Variants in UBTD2 observed in about 807,000 individuals in gnomAD.
UBTD2 encodes the protein ubiquitin domain-containing protein 2.
Under a neutral mutation model 19.8 loss-of-function variants are expected in UBTD2, and 9 were observed. The ratio of observed to expected loss-of-function variants is 0.46; its 90% CI spans 0.27 to 0.79. The LOEUF is 0.79. Ranked by LOEUF, UBTD2 falls within the 30% of genes least tolerant of loss-of-function variation. UBTD2 has a pLI of 0.14. For missense variants in UBTD2, 250 were observed against 300.4 expected, an observed-to-expected ratio of 0.83 and a Z score of 1.24; for synonymous variants, 98 against 103.9, an observed-to-expected ratio of 0.94 and a Z score of 0.35.
At chr5:172,251,123 G>A (rs1036307402) in intron 1 of UBTD2, among the ~76,000 whole-genome samples, 1 of 151,040 alleles carries the variant, frequency 6.6e-6, no homozygotes, top group African/African-American at 2.4e-5. Flanking sequence ...GCTCATCCTG[G>A]CTAACACGGT....
At chr5:172,228,087 C>G (rs1771807355) in intron 2 of UBTD2, among the ~76,000 whole-genome samples, 1 of 152,184 alleles carries the variant, frequency 6.6e-6, no homozygotes, top group Non-Finnish European at 1.5e-5. Flanking sequence ...TACACACATG[C>G]ATTTCCTGTC....
intron 2 of UBTD2, 25 bp downstream of exon 2, chr5:172,234,097 T>C: frequency 1.2e-6 from 2 of 1,605,088 alleles, no homozygotes; most frequent in Non-Finnish European, 1.7e-6. Context: ...ATGTTTCCTC[T>C]GTCCTTGAGG....
At chr5:172,256,580 C>T (rs1206971993) in intron 1 of UBTD2, among the ~76,000 whole-genome samples, 3 of 148,336 alleles carry the variant, frequency 2.0e-5, no homozygotes, top group Non-Finnish European at 4.5e-5. Context: ...GTTGTCCAGG[C>T]TGGTAAATAC....
At chr5:172,264,846 A>G (rs1480245752) in intron 1 of UBTD2, among the ~76,000 whole-genome samples, 1 of 152,216 alleles carries the variant, frequency 6.6e-6, no homozygotes. Flanking sequence ...ACTGCACTCC[A>G]GCCTGGGAGA....
chr5:172,220,048 AG>A lies in UBTD2; in HGVS notation c.308-7822del, dbSNP rs559238091. Among the ~76,000 whole-genome samples the A allele has an allele frequency of 3.1e-3, 469 of 152,342 alleles. 1 individual carries two copies. The highest frequency in any genetic ancestry group is 0.011 in the African/African-American group (449 of 41,568). ...AAACATTACAAGCAAACTACAGACCAGTATCTCTCATGAACATAGACTGAAA... is the reference window on the plus strand; with the variant it reads ...AAACATTACAAGCAAACTACAGACCATATCTCTCATGAACATAGACTGAAA... On this transcript the variant is annotated intron_variant, in intron 2 of 2. Coordinates refer to ENST00000393792, the MANE Select transcript of UBTD2 (RefSeq NM_152277.3).
rs1467320842 is a variant in UBTD2, at chr5:172,223,005, T to C, written c.308-10778A>G. 2.6e-5 allele frequency among the ~76,000 whole-genome samples: 4 copies of C among 152,166 alleles called. 1 individual carries two copies. Among genetic ancestry groups the C allele is most frequent in the Non-Finnish European group, 5.9e-5 (4 of 68,030 alleles). On this transcript the variant is annotated intron_variant, in intron 2 of 2. Transcript: ENST00000393792. ...AAGAAAGAAAGATTGATTGGAATCA[T>C]GACTGCCTGACTACAGAAATGGAAA...
chr5:172,244,366 G>A (rs1275619121), intron 1 of UBTD2, among the ~76,000 whole-genome samples: 2 of 136,560 alleles, frequency 1.5e-5, no homozygotes, highest in East Asian at 2.2e-4. Context: ...GCACAATCTC[G>A]TCTCACTACA....
At chr5:172,278,534 A>G (rs1755651731) in intron 1 of UBTD2, among the ~76,000 whole-genome samples, 1 of 148,750 alleles carries the variant, frequency 6.7e-6, no homozygotes, top group South Asian at 2.2e-4. Context: ...AAAAAAAAAA[A>G]GCGGTATATA....
intron 1 of UBTD2, chr5:172,252,553 C>T (rs1342858140): frequency 6.6e-6 from 1 of 152,164 alleles, no homozygotes; most frequent in Admixed American, 6.5e-5. Flanking sequence ...CATATTGCTG[C>T]CTGTCCTGAG....
chr5:172,240,571 T>A lies in UBTD2; in HGVS notation c.71-6213A>T, dbSNP rs116169741. On this transcript the variant is annotated intron_variant, in intron 1 of 2. Coordinates refer to ENST00000393792, the MANE Select transcript of UBTD2 (RefSeq NM_152277.3). ...AGTCCCCTTACCAATGATCTGAGCA[T>A]ACAAACAGGCAACATTTTGTAACAC... Among the ~76,000 whole-genome samples the A allele has an allele frequency of 7.5e-3, 1,136 of 152,268 alleles. 11 individuals carry two copies. The highest frequency in any genetic ancestry group is 0.044 in the Middle Eastern group (13 of 294).
At chr5:172,264,662 C>G (rs1160498103) in intron 1 of UBTD2, among the ~76,000 whole-genome samples, 1 of 151,808 alleles carries the variant, frequency 6.6e-6, no homozygotes, top group African/African-American at 2.4e-5. Context: ...TCACCTGAGC[C>G]CAGGAGTTAA....
intron 1 of UBTD2, among the ~76,000 whole-genome samples, chr5:172,258,131 A>G (rs540372619): frequency 6.6e-6 from 1 of 152,196 alleles, no homozygotes; most frequent in South Asian, 2.1e-4. Flanking sequence ...GGGTTTTTCA[A>G]GTTTTACATT....
chr5:172,275,262 A>T (rs982705551), intron 1 of UBTD2, among the ~76,000 whole-genome samples: 1 of 152,190 alleles, frequency 6.6e-6, no homozygotes, highest in South Asian at 2.1e-4. Flanking sequence ...TCACAAGAAC[A>T]GCATGGAGGT....
chr5:172,246,187 G>A (rs1018227858), intron 1 of UBTD2, among the ~76,000 whole-genome samples: 2 of 152,046 alleles, frequency 1.3e-5, no homozygotes, highest in Non-Finnish European at 2.9e-5. Context: ...CAGAGAAACT[G>A]AAATGCTAAT....
intron 1 of UBTD2, among the ~76,000 whole-genome samples, chr5:172,247,347 CTG>C (rs1754902077): frequency 6.6e-6 from 1 of 151,654 alleles, no homozygotes; most frequent in Admixed American, 6.6e-5. Context: ...CAAGCAGAAA[CTG>C]AGAGAATTAC....
At chr5:172,228,833 A>G (rs1771830943) in intron 2 of UBTD2, among the ~76,000 whole-genome samples, 1 of 152,184 alleles carries the variant, frequency 6.6e-6, no homozygotes, top group Admixed American at 6.5e-5. Flanking sequence ...TACACATAAC[A>G]TGCTCTTTAT....
At chr5:172,213,634 A>G (rs1771489890) in intron 2 of UBTD2, among the ~76,000 whole-genome samples, 1 of 152,296 alleles carries the variant, frequency 6.6e-6, no homozygotes, top group African/African-American at 2.4e-5. Flanking sequence ...AATTTTAGAG[A>G]CAAGGTCTTG....
chr5:172,217,912 C>T (rs1771576878), intron 2 of UBTD2, among the ~76,000 whole-genome samples: 1 of 152,216 alleles, frequency 6.6e-6, no homozygotes, highest in African/African-American at 2.4e-5. Flanking sequence ...CAACACCCCT[C>T]AATCAGAAAT....
chr5:172,228,003 A>G (rs1362029706), intron 2 of UBTD2, among the ~76,000 whole-genome samples: 1 of 152,150 alleles, frequency 6.6e-6, no homozygotes, highest in Non-Finnish European at 1.5e-5. Flanking sequence ...AGGAACCTTT[A>G]AAGTCCACAC....
Sources: allele counts gnomAD v4.1 joint callset (sites outside exome capture counted in the v4.1 genomes callset), GRCh38; gene constraint gnomAD v4.1.1; transcripts MANE v1.5; gene names NCBI Gene and HGNC (gene_info 2026-07-23, HGNC 2026-07-21).